The following KIAA1549 variants were observed in gnomAD, a reference collection of about 807,000 sequenced individuals.
KIAA1549 encodes UPF0606 protein KIAA1549.
Under a neutral mutation model 156.4 loss-of-function variants are expected in KIAA1549, and 70 were observed. The observed-to-expected ratio is 0.45, with a 90% confidence interval of 0.37 to 0.55. The LOEUF is 0.55. Among genes scored for constraint, KIAA1549 ranks in the 20% least tolerant of loss-of-function variants. The probability of loss-of-function intolerance (pLI) is 0.00; values close to 1 mark genes in which losing one functional copy is unlikely to be tolerated. For synonymous variants in KIAA1549, 1,103 were observed against 1,066.4 expected, an observed-to-expected ratio of 1.03 and a Z score of -0.67; for missense variants, 2,428 against 2,540.9, an observed-to-expected ratio of 0.96 and a Z score of 0.96.
chr7:138,876,772 T>G lies in KIAA1549; in HGVS notation c.4345+2766A>C, dbSNP rs533454199. ...CACTAAGGGGATCCAGTGGTTATGA[T>G]TTGAGTTATTTTAAAGCTAGAATAG... is the stretch of plus-strand genomic sequence containing the variant. On this transcript the variant is annotated intron_variant, in intron 12 of 19. Coordinates refer to ENST00000422774, the MANE Select transcript of KIAA1549 (RefSeq NM_001164665.2). Among the ~76,000 whole-genome samples the G allele has an allele frequency of 3.9e-5, 6 of 152,284 alleles. No homozygotes were observed. In the South Asian group the frequency reaches 1.2e-3, roughly 32 times the overall value.
chr7:138,962,823 G>T (rs1296377181), intron 1 of KIAA1549, among the ~76,000 whole-genome samples: 3 of 152,178 alleles, frequency 2.0e-5, no homozygotes, highest in Non-Finnish European at 4.4e-5. Context: ...TGCAGCAATA[G>T]ATAACCAAAA....
At position 138,861,248 on chromosome 7, in the gene KIAA1549, C is replaced by T; in HGVS notation, c.5138G>A (p.Gly1713Glu). Residue 1713 changes from glycine to glutamate, a missense_variant, in exon 16 of 20, where the codon GGA becomes GAA. By Grantham distance (98) the Gly-to-Glu change is moderately conservative (BLOSUM62 -2). Around this residue, in one of 5 missense-constraint regions of KIAA1549, gnomAD observed 363 missense variants for 354.0 expected, o/e 1.03. Coordinates refer to ENST00000422774, the MANE Select transcript of KIAA1549 (RefSeq NM_001164665.2). ...GTTTGCGGGCAGGCCGGGTGGGACT[C>T]CGGGGCCTACACCTGCGGTGCTGGC... ...QPASTAGVGP[G>E]VPPGLPANST... 1 of 1,611,726 alleles carries T rather than the reference C, an allele frequency of 6.2e-7. No homozygotes were observed. Among genetic ancestry groups the T allele is most frequent in the Non-Finnish European group, 8.5e-7 (1 of 1,179,406 alleles).
At chr7:138,924,574 G>A (rs544086530) in intron 1 of KIAA1549, among the ~76,000 whole-genome samples, 3 of 152,254 alleles carry the variant, frequency 2.0e-5, no homozygotes, top group African/African-American at 4.8e-5. Flanking sequence ...AGTGGCCAAA[G>A]GGACACAAAA....
At chr7:138,932,948 A>G (rs1207442844) in intron 1 of KIAA1549, among the ~76,000 whole-genome samples, 1 of 152,178 alleles carries the variant, frequency 6.6e-6, no homozygotes, top group African/African-American at 2.4e-5. Flanking sequence ...TGAAGAGGAG[A>G]AGCCAGGGAG....
rs541510744 is a variant in KIAA1549, at chr7:138,927,266, A to C, written c.188-7828T>G. Among the ~76,000 whole-genome samples, 119 of 152,348 alleles carry C rather than the reference A, an allele frequency of 7.8e-4. 3 individuals carry two copies. Among genetic ancestry groups the C allele is most frequent in the African/African-American group, 2.6e-3 (107 of 41,594 alleles). Reference sequence around the variant, plus strand: ...TGTTATTACAAACATTTCTGATACGAACTTTCCTACCTGTTTTCTGGTGCA... The same window carrying C: ...TGTTATTACAAACATTTCTGATACGCACTTTCCTACCTGTTTTCTGGTGCA... On this transcript the variant is annotated intron_variant, in intron 1 of 19. Transcript: ENST00000422774.
chr7:138,843,891 C>T (rs533030102), intron 18 of KIAA1549, among the ~76,000 whole-genome samples: 1 of 152,290 alleles, frequency 6.6e-6, no homozygotes, highest in South Asian at 2.1e-4. Flanking sequence ...TTGGAATTGG[C>T]TTAAACTACT....
At chr7:138,957,450 C>CCTCCCT (rs1813699216) in intron 1 of KIAA1549, among the ~76,000 whole-genome samples, 1 of 94,548 alleles carries the variant, frequency 1.1e-5, no homozygotes, top group Non-Finnish European at 2.0e-5. Context: ...TCCCCCTCCC[C>CCTCCCT]CTCCTTCTCC....
chr7:138,849,938 C>T (rs1250499748), intron 17 of KIAA1549, among the ~76,000 whole-genome samples: 2 of 152,012 alleles, frequency 1.3e-5, no homozygotes, highest in Non-Finnish European at 2.9e-5. Context: ...TGTATGCGTA[C>T]CACTTTTTTT....
intron 1 of KIAA1549, among the ~76,000 whole-genome samples, chr7:138,930,186 G>A (rs935304712): frequency 1.3e-5 from 2 of 152,120 alleles, no homozygotes; most frequent in African/African-American, 4.8e-5. Context: ...TCTCAAGAGT[G>A]GCCTTAAGTT....
intron 10 of KIAA1549, among the ~76,000 whole-genome samples, chr7:138,883,710 C>T (rs1363834859): frequency 2.0e-5 from 3 of 152,186 alleles, no homozygotes; most frequent in African/African-American, 4.8e-5. Context: ...TTAATTCAAG[C>T]TTGCAAAGCA....
In KIAA1549 at chr7:138,844,301, A is replaced by T. The variant is rs905272647; in HGVS notation, c.5452+16T>A. 1.9e-6 allele frequency: 3 copies of T among 1,613,674 alleles called. No individual in the cohort carries two copies. In the Admixed American group the frequency reaches 5.0e-5, roughly 27 times the overall value. ...GTCCCGTAGCTCAGAAATGGAAGCT[A>T]AACAGCCACATATACCTGTGGTACC... On this transcript the variant is annotated intron_variant, in intron 18 of 19. Transcript: ENST00000422774.
At chr7:138,856,574 AG>A (rs766160340) in intron 16 of KIAA1549, among the ~76,000 whole-genome samples, 4 of 152,156 alleles carry the variant, frequency 2.6e-5, no homozygotes, top group Non-Finnish European at 4.4e-5. Context: ...ATCTTTCAAA[AG>A]GCTTACCTAA....
chr7:138,905,706 T>A (rs1389711007), intron 6 of KIAA1549, among the ~76,000 whole-genome samples: 1 of 151,972 alleles, frequency 6.6e-6, no homozygotes, highest in Non-Finnish European at 1.5e-5. Context: ...TGGAATCTAC[T>A]ATTTTTTTTT....
At chr7:138,844,687 G>A (rs903884136) in intron 17 of KIAA1549, among the ~76,000 whole-genome samples, 6 of 152,056 alleles carry the variant, frequency 3.9e-5, no homozygotes, top group South Asian at 2.1e-4. Context: ...CTAGAACAGC[G>A]CCTGCAATAC....
In KIAA1549 at chr7:138,919,215, G is replaced by T. The variant is rs1188106972; in HGVS notation, c.411C>A (p.Ile137=). 3 of 1,613,924 alleles carry T rather than the reference G, an allele frequency of 1.9e-6. No homozygotes were observed. Among genetic ancestry groups the T allele is most frequent in the Non-Finnish European group, 2.5e-6 (3 of 1,179,914 alleles). ...TCACTGACACGTAAGTTGCCACAAA[G>T]ATGCTGGGATCTGCTGTACTTTTGG... is the stretch of plus-strand genomic sequence containing the variant. ...KQTKSTADPS[I]FVATYVSVTS... Residue 137 remains isoleucine (I), a synonymous_variant, in exon 2 of 20, where the codon ATC becomes ATA. Coordinates refer to ENST00000422774, the MANE Select transcript of KIAA1549 (RefSeq NM_001164665.2).
intron 1 of KIAA1549, among the ~76,000 whole-genome samples, chr7:138,942,863 T>C (rs2130526109): frequency 6.6e-6 from 1 of 150,896 alleles, no homozygotes; most frequent in South Asian, 2.1e-4. Flanking sequence ...TGAGCCGAGA[T>C]CGTGCCACTG....
rs199729909 is a variant in KIAA1549 at position 138,918,031 on chromosome 7, G to A, written c.1595C>T (p.Ala532Val). ...GGAGCCAGCAGTAGGATCAAGTGAC[G>A]CCGGCACAGAGAGGCGGCCGTGGGC... is the stretch of plus-strand genomic sequence containing the variant. ...PPAHGRLSVP[A>V]SLDPTAGSLS... The change falls in exon 2 of 20, where the codon GCG (alanine) becomes GTG (valine). Residue 532 changes from alanine (A) to valine (V), a missense_variant. Ala to Val is a moderately conservative substitution (Grantham distance 64). This residue lies in a region of KIAA1549 where 893 missense variants were observed against 847.9 expected (regional missense o/e 1.05). Coordinates refer to ENST00000422774, the MANE Select transcript of KIAA1549 (RefSeq NM_001164665.2). This position sits in a 1 kb window ranked among gnomAD's most constrained non-coding sequence, Gnocchi z 4.2. 62 of 1,609,418 alleles carry A rather than the reference G, an allele frequency of 3.9e-5. No individual in the cohort carries two copies. In the African/African-American group the frequency reaches 3.9e-4, roughly 10 times the overall value.
intron 1 of KIAA1549, among the ~76,000 whole-genome samples, chr7:138,947,905 G>A (rs1410802036): frequency 6.6e-6 from 1 of 152,008 alleles, no homozygotes; most frequent in East Asian, 1.9e-4. Context: ...TGGGACTATA[G>A]GCATGCACCA....
At chr7:138,941,548 T>C (rs1432857566) in intron 1 of KIAA1549, among the ~76,000 whole-genome samples, 1 of 152,174 alleles carries the variant, frequency 6.6e-6, no homozygotes, top group East Asian at 1.9e-4. Flanking sequence ...ATAATCTGAA[T>C]CCTTTTCTCC....
Sources: gnomAD v4.1 joint callset for allele counts (sites outside exome capture counted in the v4.1 genomes callset) on GRCh38, gnomAD v4.1.1 for gene constraint, gnomAD v4.1.1 regional missense constraint, Gnocchi (gnomAD v3.1) non-coding constraint, MANE v1.5 for transcripts, NCBI Gene and HGNC (gene_info 2026-07-23, HGNC 2026-07-21) for gene names.